Variants in GABRB3 observed in about 807,000 individuals in gnomAD.
GABRB3 encodes gamma-aminobutyric acid type A receptor subunit beta3.
Under a neutral mutation model 52.1 loss-of-function variants are expected in GABRB3, and 14 were observed. The ratio of observed to expected loss-of-function variants is 0.27; its 90% CI spans 0.18 to 0.42. The LOEUF (loss-of-function observed/expected upper bound fraction) is 0.42. Among genes scored for constraint, GABRB3 ranks in the 10% least tolerant of loss-of-function variants. The probability of loss-of-function intolerance (pLI) is 1.00; values close to 1 mark genes in which losing one functional copy is unlikely to be tolerated. For synonymous variants in GABRB3, 260 were observed against 232.3 expected (o/e 1.12, Z -1.08); for missense variants, 307 against 609.1 (o/e 0.50, Z 5.22).
chr15:26,601,856 A>G (rs1424397925), intron 4 of GABRB3, among the ~76,000 whole-genome samples: 2 of 152,186 alleles, frequency 1.3e-5, no homozygotes, highest in Non-Finnish European at 2.9e-5. Context: ...AAGGAAGAGA[A>G]GACTCCAAAA....
chr15:26,544,125 G>A lies in GABRB3; in HGVS notation c.*3668C>T, dbSNP rs1250552673. 6.6e-6 allele frequency: 1 copy of A among 152,406 alleles called. No homozygotes were observed. Among genetic ancestry groups the A allele is most frequent in the Non-Finnish European group, 1.5e-5 (1 of 68,032 alleles). The allele number at this position is 152,406 out of a possible 1,614,324, so 9.4% of individuals were successfully genotyped here. ...TTGTTCAGTTTTGCTTACATAAAAT[G>A]GCCAGAAATATGAACTGGTTTTCAG... On this transcript the variant is annotated 3_prime_UTR_variant, in exon 9 of 9. Coordinates refer to ENST00000311550, the MANE Select transcript of GABRB3 (RefSeq NM_000814.6).
At chr15:26,651,548 A>G (rs575074451) in intron 3 of GABRB3, among the ~76,000 whole-genome samples, 1 of 152,236 alleles carries the variant, frequency 6.6e-6, no homozygotes, top group Non-Finnish European at 1.5e-5. Flanking sequence ...GTTAGACCCC[A>G]TTCCTAAATG....
intron 3 of GABRB3, among the ~76,000 whole-genome samples, chr15:26,664,323 C>T (rs554247727): frequency 6.6e-6 from 1 of 152,312 alleles, no homozygotes; most frequent in South Asian, 2.1e-4. Context: ...AATCTTCAAA[C>T]ATACTTTTAA....
At chr15:26,728,977 C>T (rs919075) in intron 3 of GABRB3, among the ~76,000 whole-genome samples, 137,657 of 152,266 alleles carry the variant, frequency 0.9, 62,334 homozygotes, top group East Asian at 1. Flanking sequence ...GTTTTGGTGG[C>T]ATAACAGAAA....
At position 26,752,229 on chromosome 15, in the gene GABRB3, TTTTATTTATTTA is replaced by T. The variant is rs3078706; in HGVS notation, c.240+20161_240+20172del. On this transcript the variant is annotated intron_variant, in intron 3 of 8. Transcript: ENST00000311550. Reference sequence around the variant, plus strand: ...CAGAATTGATCGCTTGCTCTCTTTATTTTATTTATTTATTTATTTATTTATTTATTTATTTAT... The same window carrying T: ...CAGAATTGATCGCTTGCTCTCTTTATTTTATTTATTTATTTATTTATTTAT... Among the ~76,000 whole-genome samples the T allele has an allele frequency of 6.4e-3, 899 of 140,364 alleles. 6 individuals are homozygous for T. Among genetic ancestry groups the T allele is most frequent in the East Asian group, 0.02 (96 of 4,686 alleles). The allele number at this position is 140,364 out of a possible 152,430, so 92.1% of individuals were successfully genotyped here.
intron 3 of GABRB3, among the ~76,000 whole-genome samples, chr15:26,649,658 CTGTGTGTGTGTGTGTGTG>C (rs57833685): frequency 7.7e-6 from 1 of 130,096 alleles, no homozygotes; most frequent in South Asian, 2.7e-4. Flanking sequence ...AGAGCCAAGG[CTGTGTGTGTGTGTGTGTG>C]TGTGTGTGTG....
intron 8 of GABRB3, among the ~76,000 whole-genome samples, chr15:26,555,019 A>T (rs1249182108): frequency 1.3e-5 from 2 of 151,810 alleles, no homozygotes; most frequent in Non-Finnish European, 1.5e-5. Context: ...CTCTACTAAA[A>T]ATATATATAT....
chr15:26,586,307 A>T (rs1890981806), intron 4 of GABRB3, among the ~76,000 whole-genome samples: 1 of 151,444 alleles, frequency 6.6e-6, no homozygotes, highest in Admixed American at 6.6e-5. Flanking sequence ...TAATTTTCTT[A>T]TATATTTTGG....
At chr15:26,721,134 G>A (rs546707199) in intron 3 of GABRB3, among the ~76,000 whole-genome samples, 1 of 152,266 alleles carries the variant, frequency 6.6e-6, no homozygotes, top group South Asian at 2.1e-4. Context: ...TGCAGGGAGT[G>A]TTGCTAGGTG....
At chr15:26,712,251 C>G (rs1469160581) in intron 3 of GABRB3, among the ~76,000 whole-genome samples, 1 of 151,766 alleles carries the variant, frequency 6.6e-6, no homozygotes, top group Non-Finnish European at 1.5e-5. Flanking sequence ...TGGCCTCAGG[C>G]AATTCTCTCA....
chr15:26,664,704 G>GTTT (rs1162139952), intron 3 of GABRB3, among the ~76,000 whole-genome samples: 8,489 of 95,238 alleles, frequency 0.089, 664 homozygotes, highest in African/African-American at 0.11. Context: ...TCTTTTCTTT[G>GTTT]TTTTTTTTTT....
chr15:26,761,743 A>C (rs1890827933), intron 3 of GABRB3, among the ~76,000 whole-genome samples: 2 of 152,166 alleles, frequency 1.3e-5, no homozygotes, highest in South Asian at 4.1e-4. Flanking sequence ...CAGTAGCTTC[A>C]GGGAGCCGTA....
At chr15:26,636,106 C>T (rs1893053082) in intron 3 of GABRB3, among the ~76,000 whole-genome samples, 1 of 152,190 alleles carries the variant, frequency 6.6e-6, no homozygotes, top group Non-Finnish European at 1.5e-5. Context: ...ACAGGAACTA[C>T]CATGCAGGTT....
Position 26,583,221 on chromosome 15 carries a change from C to T in GABRB3, c.544+111G>A, listed in dbSNP as rs1445972582. On this transcript the variant is annotated intron_variant, in intron 5 of 8. Transcript: ENST00000311550. ...TGTGTTTCTCTCTCTGTGTCTTCCCCTCTTTCTATGTCAAAAAAATTATGG... is the reference window on the plus strand; with the variant it reads ...TGTGTTTCTCTCTCTGTGTCTTCCCTTCTTTCTATGTCAAAAAAATTATGG... 4.9e-6 allele frequency: 4 copies of T among 814,904 alleles called. No homozygotes were observed. In the African/African-American group the frequency reaches 6.7e-5, roughly 14 times the overall value. 50.5% of individuals were successfully genotyped at this position (814,904 alleles called of 1,614,324 possible).
chr15:26,764,874 T>C lies in GABRB3; in HGVS notation c.240+7528A>G, dbSNP rs529366871. 1.9e-4 allele frequency among the ~76,000 whole-genome samples: 29 copies of C among 152,238 alleles called. No homozygotes were observed. In the South Asian group the frequency reaches 5.8e-3, roughly 30 times the overall value. On this transcript the variant is annotated intron_variant, in intron 3 of 8. Transcript: ENST00000311550. ...GGCCAGGCACGGTGGCTCACGCCTGTAATCCCAGCACTTTGGGAGGCCGAG... is the reference window on the plus strand; with the variant it reads ...GGCCAGGCACGGTGGCTCACGCCTGCAATCCCAGCACTTTGGGAGGCCGAG...
At chr15:26,565,054 G>T (rs868048097) in intron 7 of GABRB3, among the ~76,000 whole-genome samples, 1 of 152,148 alleles carries the variant, frequency 6.6e-6, no homozygotes, top group Non-Finnish European at 1.5e-5. Context: ...ATAATACTTC[G>T]TACTGTGCTG....
chr15:26,588,243 C>A (rs959123675), intron 4 of GABRB3, among the ~76,000 whole-genome samples: 1 of 152,148 alleles, frequency 6.6e-6, no homozygotes, highest in Non-Finnish European at 1.5e-5. Context: ...AACTGGACAA[C>A]GTTACAGGGA....
intron 3 of GABRB3, among the ~76,000 whole-genome samples, chr15:26,714,375 C>T (rs889339548): frequency 6.6e-6 from 1 of 152,178 alleles, no homozygotes; most frequent in Non-Finnish European, 1.5e-5. Flanking sequence ...AAGTCCGTGA[C>T]ACAGCCTCAG....
At chr15:26,734,638 C>CA (rs527622047) in intron 3 of GABRB3, among the ~76,000 whole-genome samples, 1,603 of 96,190 alleles carry the variant, frequency 0.017, 20 homozygotes, top group Admixed American at 0.04. Flanking sequence ...GGGTGAGTCT[C>CA]AAAAAAAAAA....
Sources: gnomAD v4.1 joint callset for allele counts (sites outside exome capture counted in the v4.1 genomes callset) on GRCh38, gnomAD v4.1.1 for gene constraint, MANE v1.5 for transcripts, NCBI Gene and HGNC (gene_info 2026-07-23, HGNC 2026-07-21) for gene names.